The following ATAD1 variants were observed in gnomAD, a reference collection of about 807,000 sequenced individuals.
ATAD1 encodes ATPase family AAA domain containing 1, also known as outer mitochondrial transmembrane helix translocase.
In ATAD1, 18 loss-of-function variants were observed where a neutral mutation model predicts 42.7. The ratio of observed to expected loss-of-function variants is 0.42; its 90% confidence interval spans 0.29 to 0.63. The LOEUF (loss-of-function observed/expected upper bound fraction) is 0.63. ATAD1 is among the 20% of genes least tolerant of loss of function. The probability of loss-of-function intolerance (pLI) is 0.19; values close to 1 mark genes in which losing one functional copy is unlikely to be tolerated. For missense variants in ATAD1, 294 were observed against 440.4 expected, an observed-to-expected ratio of 0.67 and a Z score of 2.98; for synonymous variants, 132 against 143.1, an observed-to-expected ratio of 0.92 and a Z score of 0.55.
At chr10:87,836,808 T>TA (rs1386984164) in intron 1 of ATAD1, among the ~76,000 whole-genome samples, 2 of 152,212 alleles carry the variant, frequency 1.3e-5, no homozygotes, top group Non-Finnish European at 2.9e-5. Context: ...TCCGATATCA[T>TA]AAATGTTAGA....
intron 2 of ATAD1, among the ~76,000 whole-genome samples, chr10:87,794,313 G>C (rs1856276150): frequency 6.6e-6 from 1 of 152,136 alleles, no homozygotes; most frequent in African/African-American, 2.4e-5. Context: ...TGAATCAATA[G>C]ATAATCTTTT....
intron 6 of ATAD1, 40 bp from the exon 7 acceptor site, chr10:87,771,081 A>G (rs942355325): frequency 6.8e-6 from 10 of 1,473,592 alleles, no homozygotes; most frequent in Non-Finnish European, 9.5e-6. Flanking sequence ...AAATCTACCA[A>G]TTATACTCCT....
intron 8 of ATAD1, among the ~76,000 whole-genome samples, chr10:87,766,177 G>A (rs996858135): frequency 6.6e-6 from 1 of 152,150 alleles, no homozygotes; most frequent in Non-Finnish European, 1.5e-5. Context: ...TGAGTAAACC[G>A]TAACAATGTG....
At chr10:87,775,514 TAAA>T (rs5786793) in intron 6 of ATAD1, among the ~76,000 whole-genome samples, 1,695 of 110,548 alleles carry the variant, frequency 0.015, 39 homozygotes, top group African/African-American at 0.052. Flanking sequence ...AGTGATTCAT[TAAA>T]AAAAAAAAAA....
chr10:87,812,701 T>C (rs1857242807), intron 2 of ATAD1, among the ~76,000 whole-genome samples: 1 of 152,226 alleles, frequency 6.6e-6, no homozygotes, highest in Non-Finnish European at 1.5e-5. Flanking sequence ...TGGAATGGGA[T>C]AATGCTAGAA....
At chr10:87,798,290 G>T (rs1589529281) in intron 2 of ATAD1, among the ~76,000 whole-genome samples, 1 of 152,252 alleles carries the variant, frequency 6.6e-6, no homozygotes, top group East Asian at 1.9e-4. Flanking sequence ...GAAAAAGTGG[G>T]AAACGTTCTA....
At chr10:87,813,106 T>C (rs1339720583) in intron 2 of ATAD1, among the ~76,000 whole-genome samples, 1 of 152,224 alleles carries the variant, frequency 6.6e-6, no homozygotes, top group East Asian at 1.9e-4. Flanking sequence ...CAATGAAGGC[T>C]TGTAGTACTT....
At chr10:87,838,461 CAAAAAAAAAAA>C (rs770282016) in intron 1 of ATAD1, among the ~76,000 whole-genome samples, 1 of 42,628 alleles carries the variant, frequency 2.3e-5, no homozygotes, top group Admixed American at 3.4e-4. Context: ...GACTCTATCT[CAAAAAAAAAAA>C]AAAAAAAAAA....
chr10:87,827,689 T>G (rs1857754559), intron 1 of ATAD1, among the ~76,000 whole-genome samples: 1 of 152,118 alleles, frequency 6.6e-6, no homozygotes, highest in Non-Finnish European at 1.5e-5. Flanking sequence ...AACCAGTCAT[T>G]CTCCTGTCCC....
At chr10:87,791,442 A>C (rs1229584195) in intron 3 of ATAD1, among the ~76,000 whole-genome samples, 2 of 146,738 alleles carry the variant, frequency 1.4e-5, no homozygotes, top group African/African-American at 5.0e-5. Flanking sequence ...GGTGCAAACC[A>C]GCAGCCAGAT....
intron 1 of ATAD1, among the ~76,000 whole-genome samples, chr10:87,823,869 A>G (rs1857676320): frequency 6.6e-6 from 1 of 152,242 alleles, no homozygotes; most frequent in Admixed American, 6.5e-5. Context: ...TTAAGATCGC[A>G]TAAAACCTTC....
intron 1 of ATAD1, among the ~76,000 whole-genome samples, chr10:87,828,895 C>A (rs1411531329): frequency 6.6e-6 from 1 of 152,198 alleles, no homozygotes; most frequent in Admixed American, 6.5e-5. Context: ...GATGACAGCA[C>A]ATCTTTTTAC....
intron 4 of ATAD1, among the ~76,000 whole-genome samples, chr10:87,784,928 C>T (rs1261787452): frequency 2.0e-5 from 3 of 152,170 alleles, no homozygotes; most frequent in African/African-American, 4.8e-5. Flanking sequence ...TTTAAATGCT[C>T]ACCTTGACAT....
upstream of ATAD1, among the ~76,000 whole-genome samples, chr10:87,822,799 G>A (rs1405912661): frequency 3.9e-5 from 6 of 152,160 alleles, no homozygotes; most frequent in South Asian, 4.1e-4. Context: ...TAATTGGAAT[G>A]TCTGTAACAA....
intron 2 of ATAD1, among the ~76,000 whole-genome samples, chr10:87,801,865 G>A (rs1856712871): frequency 6.6e-6 from 1 of 152,160 alleles, no homozygotes; most frequent in Admixed American, 6.5e-5. Context: ...GAACATCCAT[G>A]AATATCAAAC....
chr10:87,756,308 G>A (rs1369519745), intron 9 of ATAD1, among the ~76,000 whole-genome samples: 2 of 152,178 alleles, frequency 1.3e-5, no homozygotes, highest in Non-Finnish European at 2.9e-5. Context: ...TTAGGACATG[G>A]TTCACCAGGG....
In ATAD1 at chr10:87,808,474, C is replaced by T. The variant is rs190295574; in HGVS notation, c.162+5964G>A. Among the ~76,000 whole-genome samples, 969 of 152,160 alleles carry T rather than the reference C, an allele frequency of 6.4e-3. 4 individuals are homozygous for T. The highest frequency in any genetic ancestry group is 0.01 in the Non-Finnish European group (694 of 67,990). The stretch of plus-strand genomic sequence containing the variant: ...TATCAAGTTAAAGATCGCCTGAAGC[C>T]GGGAGGCAGAGGTTGCAGTGAGCCA... On this transcript the variant is annotated intron_variant, in intron 2 of 9. Coordinates refer to ENST00000680024, the MANE Select transcript of ATAD1 (RefSeq NM_001321967.2).
rs552511702 is a variant in ATAD1 at position 87,799,265 on chromosome 10, TAAAAACCATAA to T, written c.163-6521_163-6511del. Among the ~76,000 whole-genome samples the T allele has an allele frequency of 6.6e-5, 10 of 152,312 alleles. No individual in the cohort carries two copies. The East Asian group carries it at 1.3e-3, about 21-fold the overall frequency. ...AGGTGTCAAAATTTGGCATAGGGAT[TAAAAACCATAA>T]ATCCAGCCCCAAACAGAATGATCTT... On this transcript the variant is annotated intron_variant, in intron 2 of 9. Coordinates refer to ENST00000680024, the MANE Select transcript of ATAD1 (RefSeq NM_001321967.2).
intron 9 of ATAD1, among the ~76,000 whole-genome samples, chr10:87,755,745 C>T (rs939257821): frequency 5.9e-5 from 9 of 151,978 alleles, no homozygotes; most frequent in African/African-American, 2.2e-4. Context: ...CCCGTCTCTA[C>T]TAAAAATACA....
Sources: allele counts gnomAD v4.1 joint callset (sites outside exome capture counted in the v4.1 genomes callset), GRCh38; gene constraint gnomAD v4.1.1; transcripts MANE v1.5; gene names NCBI Gene and HGNC (gene_info 2026-07-23, HGNC 2026-07-21).